Variants in GPC5 observed in about 807,000 individuals in gnomAD.
The protein encoded by GPC5 is glypican-5.
GPC5 carries 47 observed loss-of-function variants against 53.9 expected under a neutral mutation model. The ratio of observed to expected loss-of-function variants is 0.87; its 90% CI spans 0.69 to 1.11. The LOEUF (loss-of-function observed/expected upper bound fraction) is 1.11. GPC5 is among the 50% of genes most tolerant of loss of function. The pLI is 0.00. For missense variants in GPC5, 748 were observed against 713.1 expected, an observed-to-expected ratio of 1.05 and a Z score of -0.56; for synonymous variants, 286 against 263.3, an observed-to-expected ratio of 1.09 and a Z score of -0.84.
chr13:91,684,787 C>T (rs989317020), intron 2 of GPC5, among the ~76,000 whole-genome samples: 5 of 152,206 alleles, frequency 3.3e-5, no homozygotes, highest in Non-Finnish European at 5.9e-5. Flanking sequence ...CCCAGTGCTT[C>T]GCATTCCACA....
chr13:92,198,971 G>A (rs1184876501), intron 7 of GPC5, among the ~76,000 whole-genome samples: 1 of 152,108 alleles, frequency 6.6e-6, no homozygotes, highest in South Asian at 2.1e-4. Flanking sequence ...ATTGATTTTT[G>A]TATTTCATTT....
At chr13:92,124,129 TC>T (rs2041673855) in intron 6 of GPC5, among the ~76,000 whole-genome samples, 1 of 150,108 alleles carries the variant, frequency 6.7e-6, no homozygotes, top group South Asian at 2.1e-4. Flanking sequence ...TTTGTGCTTT[TC>T]TTTTAAAAAA....
intron 7 of GPC5, among the ~76,000 whole-genome samples, chr13:92,814,147 G>C (rs1017377685): frequency 3.3e-5 from 5 of 151,922 alleles, no homozygotes; most frequent in African/African-American, 1.2e-4. Flanking sequence ...TTCAACAAAT[G>C]GTGCTGGAAC....
chr13:92,142,823 G>A lies in GPC5; in HGVS notation c.1402-2007G>A, dbSNP rs1029953956. On this transcript the variant is annotated intron_variant, in intron 6 of 7. Coordinates refer to ENST00000377067, the MANE Select transcript of GPC5 (RefSeq NM_004466.6). ...GAAAATAAAGTTGATACGGGAAAAT[G>A]TTGGAAAAGAATGTCGAGGTCAAAA... is the stretch of plus-strand genomic sequence containing the variant. Among the ~76,000 whole-genome samples, 10 of 152,248 alleles carry A rather than the reference G, an allele frequency of 6.6e-5. No individual in the cohort carries two copies. The South Asian group carries it at 2.1e-3, about 32-fold the overall frequency.
intron 7 of GPC5, among the ~76,000 whole-genome samples, chr13:92,213,148 A>T (rs2042387060): frequency 6.6e-6 from 1 of 152,220 alleles, no homozygotes; most frequent in Non-Finnish European, 1.5e-5. Context: ...ACAAATGATC[A>T]AATAGTTGAT....
At chr13:92,103,116 C>T (rs2041480228) in intron 6 of GPC5, among the ~76,000 whole-genome samples, 1 of 151,952 alleles carries the variant, frequency 6.6e-6, no homozygotes, top group African/African-American at 2.4e-5. Flanking sequence ...CTTGCCTCAG[C>T]CTCCCAAAGT....
intron 7 of GPC5, among the ~76,000 whole-genome samples, chr13:92,810,094 T>A (rs1028466658): frequency 2.6e-5 from 4 of 152,084 alleles, no homozygotes; most frequent in African/African-American, 9.7e-5. Context: ...AGCCCTCAAA[T>A]AAACTCTCAT....
chr13:92,512,250 G>GTGCA (rs1555339434), intron 7 of GPC5, among the ~76,000 whole-genome samples: 2 of 52,902 alleles, frequency 3.8e-5, no homozygotes, highest in African/African-American at 1.3e-4. Flanking sequence ...GTGTGTGTGT[G>GTGCA]CGCGCGCGCG....
rs139105537 is a variant in GPC5, at chr13:92,281,934, C to T, written c.1561+136945C>T. ...CAGGTTGAGAGAAGAAGGCTTCAGA[C>T]GATCAAACTTCTCTGAGCTAAAGGA... On this transcript the variant is annotated intron_variant, in intron 7 of 7. Coordinates refer to ENST00000377067, the MANE Select transcript of GPC5 (RefSeq NM_004466.6). 3.9e-4 allele frequency among the ~76,000 whole-genome samples: 59 copies of T among 152,070 alleles called. No homozygotes were observed. In the East Asian group the frequency reaches 8.9e-3, roughly 23 times the overall value.
intron 7 of GPC5, among the ~76,000 whole-genome samples, chr13:92,436,335 C>G (rs1235469806): frequency 6.6e-6 from 1 of 152,156 alleles, no homozygotes; most frequent in Non-Finnish European, 1.5e-5. Flanking sequence ...TCAGCTGTAA[C>G]AGGACTTTGT....
chr13:92,792,100 C>T (rs753629608), intron 7 of GPC5, among the ~76,000 whole-genome samples: 2 of 151,988 alleles, frequency 1.3e-5, no homozygotes, highest in African/African-American at 2.4e-5. Context: ...CCCCAAGACA[C>T]ATAATTGTCA....
At chr13:92,773,505 C>A (rs1366466849) in intron 7 of GPC5, among the ~76,000 whole-genome samples, 1 of 152,094 alleles carries the variant, frequency 6.6e-6, no homozygotes, top group East Asian at 1.9e-4. Flanking sequence ...TCAGACATAT[C>A]CAATGATTAT....
intron 7 of GPC5, among the ~76,000 whole-genome samples, chr13:92,325,103 GACACACAC>G (rs140189672): frequency 4.1e-5 from 6 of 146,336 alleles, no homozygotes; most frequent in African/African-American, 9.9e-5. Flanking sequence ...AATAACTTCT[GACACACAC>G]ACACACACAC....
In GPC5 at chr13:91,471,835, G is replaced by A. The variant is rs191113268; in HGVS notation, c.325+22913G>A. ...TGTTCCTCTTGACCCTTTTGTTACC[G>A]AGCAGCCTCTTGATTGAACTAAAAA... is the stretch of plus-strand genomic sequence containing the variant. On this transcript the variant is annotated intron_variant, in intron 2 of 7. Transcript: ENST00000377067. Among the ~76,000 whole-genome samples the A allele has an allele frequency of 8.8e-3, 1,329 of 151,816 alleles. 37 individuals are homozygous for A. Among genetic ancestry groups the A allele is most frequent in the Admixed American group, 0.051 (783 of 15,214 alleles).
chr13:92,298,239 G>A (rs2043051695), intron 7 of GPC5, among the ~76,000 whole-genome samples: 1 of 152,122 alleles, frequency 6.6e-6, no homozygotes, highest in Non-Finnish European at 1.5e-5. Flanking sequence ...CTTGTCCTAG[G>A]CTCCCCGCCT....
intron 6 of GPC5, among the ~76,000 whole-genome samples, chr13:91,996,844 C>A (rs560555256): frequency 2.0e-5 from 3 of 151,990 alleles, no homozygotes; most frequent in African/African-American, 7.2e-5. Context: ...ATTATGTTTA[C>A]GTTTGGGATT....
intron 5 of GPC5, among the ~76,000 whole-genome samples, chr13:91,756,892 AAGAG>A (rs976683891): frequency 6.6e-6 from 1 of 151,212 alleles, no homozygotes; most frequent in East Asian, 1.9e-4. Flanking sequence ...GCATGCAAGA[AAGAG>A]AGAGAGAGAG....
intron 3 of GPC5, among the ~76,000 whole-genome samples, chr13:91,713,358 TAGTC>T (rs1287188294): frequency 2.6e-5 from 4 of 151,102 alleles, no homozygotes; most frequent in African/African-American, 9.7e-5. Context: ...AATGCCTAAA[TAGTC>T]AGACTTGGCA....
Position 91,974,755 on chromosome 13 carries a change from A to G in GPC5, c.1401+66698A>G, listed in dbSNP as rs189634528. ...AGTTACCAATGACTTTCCTCACAGAATTGGAAAAAACTACTTTAAAGTTCA... is the reference window on the plus strand; with the variant it reads ...AGTTACCAATGACTTTCCTCACAGAGTTGGAAAAAACTACTTTAAAGTTCA... On this transcript the variant is annotated intron_variant, in intron 6 of 7. Coordinates refer to ENST00000377067, the MANE Select transcript of GPC5 (RefSeq NM_004466.6). 7.3e-3 allele frequency among the ~76,000 whole-genome samples: 1,109 copies of G among 152,286 alleles called. 6 individuals are homozygous for G. The highest frequency in any genetic ancestry group is 0.01 in the Non-Finnish European group (701 of 68,018).
Sources: allele counts gnomAD v4.1 joint callset (sites outside exome capture counted in the v4.1 genomes callset), GRCh38; gene constraint gnomAD v4.1.1; transcripts MANE v1.5; gene names NCBI Gene and HGNC (gene_info 2026-07-23, HGNC 2026-07-21).